Variants in SH3GL2 observed in about 807,000 individuals in gnomAD.
The protein encoded by SH3GL2 is endophilin-A1.
A neutral mutation model predicts 46.0 loss-of-function variants in SH3GL2; 24 were observed. That is an observed-to-expected ratio of 0.52 (90% CI 0.38 to 0.73). The LOEUF (loss-of-function observed/expected upper bound fraction) is 0.73, where lower values mean the gene tolerates loss of function less well. Ranked by LOEUF, SH3GL2 falls within the 30% of genes least tolerant of loss-of-function variation. SH3GL2 has a pLI of 0.00. For missense variants in SH3GL2, 413 were observed against 424.2 expected, an observed-to-expected ratio of 0.97 and a Z score of 0.23; for synonymous variants, 196 against 147.1, an observed-to-expected ratio of 1.33 and a Z score of -2.40.
intron 1 of SH3GL2, among the ~76,000 whole-genome samples, chr9:17,684,129 T>C (rs1820844164): frequency 1.3e-5 from 2 of 152,086 alleles, no homozygotes; most frequent in South Asian, 2.1e-4. Flanking sequence ...ATGAACCAGA[T>C]GTTAGAACTA....
At chr9:17,772,696 A>G (rs1375220904) in intron 3 of SH3GL2, among the ~76,000 whole-genome samples, 4 of 152,188 alleles carry the variant, frequency 2.6e-5, no homozygotes, top group African/African-American at 9.7e-5. Context: ...AAGGCTGAAT[A>G]GTATTCTGTT....
At chr9:17,658,587 T>C (rs1370404490) in intron 1 of SH3GL2, among the ~76,000 whole-genome samples, 1 of 152,248 alleles carries the variant, frequency 6.6e-6, no homozygotes, top group Non-Finnish European at 1.5e-5. Flanking sequence ...AAAATAACAT[T>C]GTGAGATTTC....
intron 3 of SH3GL2, among the ~76,000 whole-genome samples, chr9:17,762,183 T>C (rs895400371): frequency 2.0e-5 from 3 of 152,144 alleles, no homozygotes; most frequent in Non-Finnish European, 2.9e-5. Context: ...CATTCCTGTG[T>C]GTCAGTTTCT....
intron 1 of SH3GL2, among the ~76,000 whole-genome samples, chr9:17,643,526 T>A (rs1819735367): frequency 6.6e-6 from 1 of 152,344 alleles, no homozygotes; most frequent in East Asian, 1.9e-4. Context: ...TAAAAAGTTC[T>A]TATTATTTTG....
chr9:17,636,300 A>G (rs937007961), intron 1 of SH3GL2, among the ~76,000 whole-genome samples: 1 of 151,646 alleles, frequency 6.6e-6, no homozygotes. Flanking sequence ...GGTAAAGGTA[A>G]TGGATGAATG....
chr9:17,719,930 T>G (rs1473809961), intron 1 of SH3GL2, among the ~76,000 whole-genome samples: 1 of 151,646 alleles, frequency 6.6e-6, no homozygotes, highest in Non-Finnish European at 1.5e-5. Flanking sequence ...TATATATTAT[T>G]TTTGATAAGT....
chr9:17,616,418 T>G (rs999004263), intron 1 of SH3GL2, among the ~76,000 whole-genome samples: 2 of 152,036 alleles, frequency 1.3e-5, no homozygotes, highest in African/African-American at 4.8e-5. Flanking sequence ...AAAATTAAAA[T>G]CAACAAGGAG....
Position 17,637,157 on chromosome 9 carries a change from C to G in SH3GL2, c.45+57870C>G, listed in dbSNP as rs371160699. Among the ~76,000 whole-genome samples, 4 of 152,216 alleles carry G rather than the reference C, an allele frequency of 2.6e-5. No individual in the cohort carries two copies. The East Asian group carries it at 7.7e-4, about 29-fold the overall frequency. On this transcript the variant is annotated intron_variant, in intron 1 of 8. Transcript: ENST00000380607. ...GTATCTTGGTTTGATAGCTTTGGGA[C>G]AGGAGCACAAACATTTAATGGTGAA...
At chr9:17,702,738 A>G (rs1293594460) in intron 1 of SH3GL2, among the ~76,000 whole-genome samples, 2 of 152,136 alleles carry the variant, frequency 1.3e-5, no homozygotes. Flanking sequence ...CATAGGAAAA[A>G]TGAGTCTTCC....
rs79096476 is a variant in SH3GL2 at position 17,587,614 on chromosome 9, A to G, written c.45+8327A>G. On this transcript the variant is annotated intron_variant, in intron 1 of 8. Coordinates refer to ENST00000380607, the MANE Select transcript of SH3GL2 (RefSeq NM_003026.5). ...GGCTTCTGGCCAAGTGCGGTAGCTC[A>G]TGCCTGTAATCCCCGCACTTTGGGA... Among the ~76,000 whole-genome samples, 50 of 152,330 alleles carry G rather than the reference A, an allele frequency of 3.3e-4. No homozygotes were observed. The East Asian group carries it at 8.5e-3, about 26-fold the overall frequency.
chr9:17,747,833 C>T (rs564844253), intron 2 of SH3GL2, among the ~76,000 whole-genome samples: 38 of 152,132 alleles, frequency 2.5e-4, no homozygotes, highest in African/African-American at 8.9e-4. Flanking sequence ...ACCACCACGT[C>T]TGGCTAATTA....
chr9:17,761,322 G>A (rs576340623), intron 2 of SH3GL2, 115 bp from the exon 3 acceptor site: 27 of 709,208 alleles, frequency 3.8e-5, no homozygotes, highest in African/African-American at 2.6e-4. Context: ...CACCTACTGC[G>A]GGACTTGTCC....
chr9:17,714,118 A>G (rs1821692865), intron 1 of SH3GL2, among the ~76,000 whole-genome samples: 1 of 151,690 alleles, frequency 6.6e-6, no homozygotes, highest in South Asian at 2.1e-4. Flanking sequence ...CTTTATTAGT[A>G]TGAAATGATG....
At chr9:17,640,570 A>G (rs1443655267) in intron 1 of SH3GL2, among the ~76,000 whole-genome samples, 3 of 152,162 alleles carry the variant, frequency 2.0e-5, no homozygotes, top group Admixed American at 2.0e-4. Flanking sequence ...AGACAGGCCC[A>G]GTAATGCCCA....
chr9:17,671,540 T>G (rs1330480433), intron 1 of SH3GL2, among the ~76,000 whole-genome samples: 2 of 152,174 alleles, frequency 1.3e-5, no homozygotes, highest in African/African-American at 2.4e-5. Context: ...GGATATTCTA[T>G]TTTCCATGGT....
Position 17,795,515 on chromosome 9 carries a change from C to G in SH3GL2, c.860-29C>G, listed in dbSNP as rs1024208553. 9.4e-6 allele frequency: 15 copies of G among 1,588,808 alleles called. No individual in the cohort carries two copies. In the African/African-American group the frequency reaches 1.2e-4, roughly 13 times the overall value. ...TAAATACCCCTTATCCTTTTGTGTT[C>G]TTCTCTTCTCTCCTGCTCTTACTCC... On this transcript the variant is annotated intron_variant, in intron 8 of 8. Transcript: ENST00000380607.
At chr9:17,654,581 A>G (rs1820027807) in intron 1 of SH3GL2, among the ~76,000 whole-genome samples, 1 of 152,214 alleles carries the variant, frequency 6.6e-6, no homozygotes. Flanking sequence ...AATAGAATTT[A>G]AAGATGAAAG....
intron 1 of SH3GL2, among the ~76,000 whole-genome samples, chr9:17,692,077 C>A (rs753064102): frequency 1.3e-5 from 2 of 151,874 alleles, no homozygotes; most frequent in Non-Finnish European, 2.9e-5. Context: ...TTTTTGAAAT[C>A]GTAAAGTGTT....
chr9:17,735,595 TG>T (rs1822311168), intron 1 of SH3GL2: 1 of 155,814 alleles, frequency 6.4e-6, no homozygotes, highest in Admixed American at 6.6e-5. Flanking sequence ...ACCAACTTTT[TG>T]TATATGTGGG....
Sources: gnomAD v4.1 joint callset for allele counts (sites outside exome capture counted in the v4.1 genomes callset) on GRCh38, gnomAD v4.1.1 for gene constraint, MANE v1.5 for transcripts, NCBI Gene and HGNC (gene_info 2026-07-23, HGNC 2026-07-21) for gene names.